Variants in SPMIP2 observed in about 807,000 individuals in gnomAD.
The protein encoded by SPMIP2 is sperm microtubule inner protein 2.
the SPMIP2 span, among the ~76,000 whole-genome samples, chr4:159,009,102 C>T: frequency 6.6e-6 from 1 of 152,136 alleles, no homozygotes; most frequent in Non-Finnish European, 1.5e-5. Context: ...TCACTGAATG[C>T]AAAGTTGGAA....
chr4:158,911,384 A>AAATAAATAAAAT, the SPMIP2 span, among the ~76,000 whole-genome samples: 5 of 79,212 alleles, frequency 6.3e-5, no homozygotes, highest in South Asian at 3.4e-4. Flanking sequence ...ATAAATAAAT[A>AAATAAATAAAAT]AAATAAATAA....
At chr4:158,901,960 A>T in the SPMIP2 span, among the ~76,000 whole-genome samples, 1 of 150,278 alleles carries the variant, frequency 6.7e-6, no homozygotes, top group Non-Finnish European at 1.5e-5. Flanking sequence ...GGAGTTTGTT[A>T]TTACCCACCT....
the SPMIP2 span, among the ~76,000 whole-genome samples, chr4:159,045,236 A>G: frequency 6.0e-4 from 91 of 152,354 alleles, no homozygotes; most frequent in Non-Finnish European, 1.0e-3. Flanking sequence ...TTCCAGATAA[A>G]ATATTTGAAA....
At chr4:159,028,771 GT>G in the SPMIP2 span, among the ~76,000 whole-genome samples, 1 of 152,048 alleles carries the variant, frequency 6.6e-6, no homozygotes, top group African/African-American at 2.4e-5. Context: ...TGTTTATAAG[GT>G]TTTTATAGTA....
At chr4:158,960,853 T>C in the SPMIP2 span, among the ~76,000 whole-genome samples, 2 of 152,234 alleles carry the variant, frequency 1.3e-5, no homozygotes, top group Admixed American at 6.5e-5. Context: ...ACATATTTGG[T>C]GGCTTTGAGT....
chr4:158,938,044 G>A, the SPMIP2 span, among the ~76,000 whole-genome samples: 4 of 152,118 alleles, frequency 2.6e-5, no homozygotes, highest in South Asian at 4.1e-4. Context: ...ATGGGTCTGC[G>A]TATCTATGGA....
the SPMIP2 span, among the ~76,000 whole-genome samples, chr4:159,052,512 A>G: frequency 6.6e-6 from 1 of 152,160 alleles, no homozygotes; most frequent in Non-Finnish European, 1.5e-5. Context: ...AACAGTGAGA[A>G]GTTTTGTGGT....
At chr4:159,062,832 G>A in the SPMIP2 span, among the ~76,000 whole-genome samples, 2 of 151,086 alleles carry the variant, frequency 1.3e-5, no homozygotes, top group Non-Finnish European at 2.9e-5. Flanking sequence ...AAGACTACAG[G>A]TGTGCACCAC....
chr4:158,954,531 C>A, the SPMIP2 span, among the ~76,000 whole-genome samples: 2 of 152,200 alleles, frequency 1.3e-5, no homozygotes, highest in African/African-American at 4.8e-5. Flanking sequence ...GCCTTTAAAT[C>A]AATGTAGCTT....
chr4:158,904,592 C>T, the SPMIP2 span: 2 of 1,488,050 alleles, frequency 1.3e-6, no homozygotes, highest in Admixed American at 1.7e-5. Context: ...ATCAAATTCT[C>T]AACTGAAGGA....
the SPMIP2 span, among the ~76,000 whole-genome samples, chr4:159,075,515 T>G: frequency 9.9e-5 from 15 of 152,150 alleles, no homozygotes; most frequent in African/African-American, 3.6e-4. Context: ...ATGAGTGGCC[T>G]GGAAAAAATT....
the SPMIP2 span, among the ~76,000 whole-genome samples, chr4:159,010,602 T>A: frequency 6.6e-6 from 1 of 152,228 alleles, no homozygotes; most frequent in Non-Finnish European, 1.5e-5. Flanking sequence ...CTTGATGCTC[T>A]TCAATTTATT....
the SPMIP2 span, among the ~76,000 whole-genome samples, chr4:159,051,587 T>G: frequency 2.0e-5 from 3 of 152,378 alleles, no homozygotes; most frequent in African/African-American, 4.8e-5. Context: ...ATTAATGAAC[T>G]CTTATCTGTC....
the SPMIP2 span, among the ~76,000 whole-genome samples, chr4:159,036,424 T>C: frequency 6.6e-6 from 1 of 152,302 alleles, no homozygotes; most frequent in African/African-American, 2.4e-5. Context: ...GGAGCCTATG[T>C]CAGGTACTGA....
chr4:158,958,526 C>T, the SPMIP2 span, among the ~76,000 whole-genome samples: 1 of 152,202 alleles, frequency 6.6e-6, no homozygotes, highest in African/African-American at 2.4e-5. Flanking sequence ...CTGAGGCTGG[C>T]TGGTTCACCA....
the SPMIP2 span, among the ~76,000 whole-genome samples, chr4:158,976,483 G>GT: frequency 6.6e-6 from 1 of 151,954 alleles, no homozygotes; most frequent in Non-Finnish European, 1.5e-5. Context: ...CTACTGAGTG[G>GT]TTTTAGCATG....
chr4:159,049,850 T>C, the SPMIP2 span, among the ~76,000 whole-genome samples: 3 of 152,216 alleles, frequency 2.0e-5, no homozygotes, highest in Non-Finnish European at 4.4e-5. Context: ...ACAGATGTCA[T>C]AGAGAGCTCA....
chr4:159,073,804 C>T, the SPMIP2 span, among the ~76,000 whole-genome samples: 2 of 152,250 alleles, frequency 1.3e-5, no homozygotes, highest in East Asian at 1.9e-4. Context: ...GAGTTCAAGA[C>T]CAGCCTGGCC....
chr4:159,020,258 A>G, the SPMIP2 span, among the ~76,000 whole-genome samples: 2 of 152,286 alleles, frequency 1.3e-5, no homozygotes, highest in African/African-American at 4.8e-5. Context: ...ATTGTAGAAG[A>G]GAAAGAAGCT....
Sources: gnomAD v4.1 joint callset for allele counts (sites outside exome capture counted in the v4.1 genomes callset) on GRCh38, gnomAD v4.1.1 for gene constraint, MANE v1.5 for transcripts, NCBI Gene and HGNC (gene_info 2026-07-23, HGNC 2026-07-21) for gene names.